LYRM4: variants seen among roughly 807,000 people sequenced by gnomAD.
LYRM4 encodes LYR motif containing 4, also known as LYR motif-containing protein 4.
Under a neutral mutation model 11.7 loss-of-function variants are expected in LYRM4, and 9 were observed. The observed-to-expected ratio is 0.77, with a 90% CI of 0.46 to 1.34. The LOEUF (loss-of-function observed/expected upper bound fraction) is 1.34, where lower values mean the gene tolerates loss of function less well. Ranked by LOEUF, LYRM4 falls within the 40% of genes most tolerant of loss-of-function variation. The pLI is 0.00. For missense variants in LYRM4, 133 were observed against 112.5 expected (o/e 1.18, Z -0.82); for synonymous variants, 42 against 40.4 (o/e 1.04, Z -0.15).
At chr6:5,200,340 C>T (rs1761316051) in intron 2 of LYRM4, among the ~76,000 whole-genome samples, 1 of 152,164 alleles carries the variant, frequency 6.6e-6, no homozygotes, top group Admixed American at 6.5e-5. Flanking sequence ...ATTCTTTTGG[C>T]TCTAAGCCCT....
At chr6:5,247,976 G>A (rs1018046088) in intron 1 of LYRM4, among the ~76,000 whole-genome samples, 3 of 151,996 alleles carry the variant, frequency 2.0e-5, no homozygotes, top group African/African-American at 7.3e-5. Flanking sequence ...GATATAGAGG[G>A]CTACACATTA....
At chr6:5,069,369 A>AT in the LYRM4 span, among the ~76,000 whole-genome samples, 8 of 136,272 alleles carry the variant, frequency 5.9e-5, no homozygotes, top group African/African-American at 2.0e-4. Flanking sequence ...ACATGTTAAC[A>AT]TAAAAAAAAA....
At chr6:5,158,757 G>A (rs1489771049) in intron 2 of LYRM4, among the ~76,000 whole-genome samples, 1 of 152,158 alleles carries the variant, frequency 6.6e-6, no homozygotes, top group Non-Finnish European at 1.5e-5. Flanking sequence ...AGAGGTGTGA[G>A]CCACCATGCC....
chr6:5,056,518 C>T, the LYRM4 span, among the ~76,000 whole-genome samples: 1 of 152,180 alleles, frequency 6.6e-6, no homozygotes, highest in Non-Finnish European at 1.5e-5. Context: ...AGTCTTGTAA[C>T]ATTTTGCATT....
At chr6:5,123,217 G>A (rs566060752) in intron 2 of LYRM4, among the ~76,000 whole-genome samples, 4 of 152,098 alleles carry the variant, frequency 2.6e-5, no homozygotes, top group South Asian at 4.1e-4. Context: ...CTTGACCCTC[G>A]CTCAGCACAC....
intron 2 of LYRM4, among the ~76,000 whole-genome samples, chr6:5,117,430 C>T (rs461698): frequency 0.44 from 67,217 of 151,876 alleles, 16,855 homozygotes; most frequent in East Asian, 0.8. Context: ...TGGTGTGCGC[C>T]TGTAATCGCA....
At chr6:5,102,346 T>C (rs536587907), downstream of LYRM4, among the ~76,000 whole-genome samples, 16 of 152,326 alleles carry the variant, frequency 1.1e-4, no homozygotes, top group African/African-American at 3.6e-4. Flanking sequence ...TCCTTGGTCA[T>C]ACATCCTGTA....
intron 2 of LYRM4, among the ~76,000 whole-genome samples, chr6:5,154,846 AAAAG>A (rs1297420094): frequency 1.3e-5 from 2 of 152,174 alleles, no homozygotes; most frequent in African/African-American, 2.4e-5. Flanking sequence ...ATAAAAATAA[AAAAG>A]AAAGGCGGAT....
chr6:5,117,503 C>G (rs369699518), intron 2 of LYRM4, among the ~76,000 whole-genome samples: 26 of 150,740 alleles, frequency 1.7e-4, no homozygotes, highest in African/African-American at 6.4e-4. Flanking sequence ...TGCAGTGAGC[C>G]GAGATCGCAC....
downstream of LYRM4, chr6:5,103,628 A>ATTTTTTTTT (rs1491437052): frequency 2.0e-5 from 2 of 98,622 alleles, 1 homozygote; most frequent in African/African-American, 8.1e-5. Flanking sequence ...AATATCTGAG[A>ATTTTTTTTT]TATTTTTTTT....
At chr6:5,165,842 C>T (rs1759057564) in intron 2 of LYRM4, among the ~76,000 whole-genome samples, 2 of 151,992 alleles carry the variant, frequency 1.3e-5, no homozygotes, top group Admixed American at 6.6e-5. Context: ...CGCGCCCGGC[C>T]ACAAATGCAA....
chr6:5,157,774 C>T (rs898934052), intron 2 of LYRM4, among the ~76,000 whole-genome samples: 9 of 152,250 alleles, frequency 5.9e-5, no homozygotes, highest in East Asian at 5.8e-4. Flanking sequence ...AGACAGATTT[C>T]GTTTGTTCTT....
chr6:5,248,827 T>C (rs760581531), intron 1 of LYRM4, among the ~76,000 whole-genome samples: 6 of 152,240 alleles, frequency 3.9e-5, no homozygotes, highest in Non-Finnish European at 8.8e-5. Flanking sequence ...AGGTGCCTCT[T>C]GGGCAAAGGT....
chr6:5,190,268 G>A (rs1170486605), intron 2 of LYRM4, among the ~76,000 whole-genome samples: 1 of 151,720 alleles, frequency 6.6e-6, no homozygotes, highest in Non-Finnish European at 1.5e-5. Context: ...GGCTCAAACT[G>A]AGAATGCTCA....
chr6:5,120,424 T>A (rs558432522), intron 2 of LYRM4, among the ~76,000 whole-genome samples: 8 of 152,168 alleles, frequency 5.3e-5, no homozygotes, highest in African/African-American at 1.9e-4. Context: ...CTCTCTGACT[T>A]CAGGAATGAA....
chr6:5,216,815 T>C, intron 1 of LYRM4, 77 bp from the exon 2 acceptor site: 2 of 1,521,630 alleles, frequency 1.3e-6, no homozygotes, highest in Non-Finnish European at 1.8e-6. Context: ...TTTTAAAGTT[T>C]TTCCTTTAGA....
the LYRM4 span, chr6:5,054,032 C>T: frequency 1.6e-6 from 1 of 638,166 alleles, no homozygotes; most frequent in Non-Finnish European, 2.0e-6. Flanking sequence ...ATTAAGATGG[C>T]TATTTACAGG....
chr6:5,254,211 C>G (rs1764566483), intron 1 of LYRM4, among the ~76,000 whole-genome samples: 1 of 152,198 alleles, frequency 6.6e-6, no homozygotes, highest in Non-Finnish European at 1.5e-5. Flanking sequence ...GTCACAAAAC[C>G]AACGCTTCAC....
chr6:5,191,011 A>G (rs1257449291), intron 2 of LYRM4, among the ~76,000 whole-genome samples: 1 of 152,204 alleles, frequency 6.6e-6, no homozygotes, highest in Non-Finnish European at 1.5e-5. Flanking sequence ...GAGCATATAC[A>G]TTATTTGATC....
Sources: allele counts gnomAD v4.1 joint callset (sites outside exome capture counted in the v4.1 genomes callset), GRCh38; gene constraint gnomAD v4.1.1; transcripts MANE v1.5; gene names NCBI Gene and HGNC (gene_info 2026-07-23, HGNC 2026-07-21).